The following CSMD1 variants were observed in gnomAD, a reference collection of about 807,000 sequenced individuals.
CSMD1 encodes the protein CUB and Sushi multiple domains 1.
In CSMD1, 213 loss-of-function variants were observed where a neutral mutation model predicts 417.5. That is an observed-to-expected ratio of 0.51 (90% CI 0.46 to 0.57). The LOEUF (loss-of-function observed/expected upper bound fraction) is 0.57, where lower values mean the gene tolerates loss of function less well. Among genes scored for constraint, CSMD1 ranks in the 20% least tolerant of loss-of-function variants. CSMD1 has a pLI of 0.00. For synonymous variants in CSMD1, 2,862 were observed against 1,736.8 expected (o/e 1.65, Z -16.11); for missense variants, 6,923 against 4,529.7 (o/e 1.53, Z -15.17).
intron 26 of CSMD1, among the ~76,000 whole-genome samples, chr8:3,244,403 TG>T (rs1164256797): frequency 6.6e-6 from 1 of 152,264 alleles, no homozygotes; most frequent in East Asian, 1.9e-4. Context: ...GAGAGCAATC[TG>T]CTTTTGTTTA....
chr8:4,196,915 G>T (rs779119), intron 3 of CSMD1, among the ~76,000 whole-genome samples: 148,947 of 152,332 alleles, frequency 0.98, 72,903 homozygotes, highest in East Asian at 1. Context: ...ATTTCTAAGA[G>T]TTTGTTCATG....
Position 3,008,635 on chromosome 8 carries a change from T to C in CSMD1, c.8030-8504A>G, listed in dbSNP as rs1393804427. 3.3e-5 allele frequency among the ~76,000 whole-genome samples: 5 copies of C among 152,322 alleles called. No individual in the cohort carries two copies. The East Asian group carries it at 9.6e-4, about 29-fold the overall frequency. ...CCTTCAGAACTCCAGCATGCCCCCCTGGGTGACCTATGTTTTCTGGAAAGC... is the reference window on the plus strand; with the variant it reads ...CCTTCAGAACTCCAGCATGCCCCCCCGGGTGACCTATGTTTTCTGGAAAGC... On this transcript the variant is annotated intron_variant, in intron 52 of 69. Coordinates refer to ENST00000635120, the MANE Select transcript of CSMD1 (RefSeq NM_033225.6).
At chr8:2,997,375 A>C (rs536778253) in intron 54 of CSMD1, among the ~76,000 whole-genome samples, 3 of 152,356 alleles carry the variant, frequency 2.0e-5, no homozygotes, top group African/African-American at 7.2e-5. Flanking sequence ...CTAGGATAAG[A>C]GAGGTTCTTG....
chr8:4,567,793 A>C (rs895560884), intron 2 of CSMD1, among the ~76,000 whole-genome samples: 2 of 152,320 alleles, frequency 1.3e-5, no homozygotes, highest in East Asian at 3.9e-4. Context: ...CGTATACCAG[A>C]AAGGAAAAAA....
At chr8:3,965,822 T>G (rs1375701870) in intron 5 of CSMD1, among the ~76,000 whole-genome samples, 1 of 152,050 alleles carries the variant, frequency 6.6e-6, no homozygotes, top group Non-Finnish European at 1.5e-5. Flanking sequence ...TTTCACCATG[T>G]TGGCCAGGCC....
chr8:3,208,839 A>C lies in CSMD1; in HGVS notation c.4868-3219T>G, dbSNP rs1797444909. On this transcript the variant is annotated intron_variant, in intron 30 of 69. Transcript: ENST00000635120. The stretch of plus-strand genomic sequence containing the variant: ...CTGTGCTGGATGCTTCTTGCCCCTG[A>C]ACGTCAAACTCCAAGTTCTTCAGTT... Among the ~76,000 whole-genome samples the C allele has an allele frequency of 2.6e-5, 4 of 152,138 alleles. No individual in the cohort carries two copies. The South Asian group carries it at 6.2e-4, about 24-fold the overall frequency.
intron 11 of CSMD1, among the ~76,000 whole-genome samples, chr8:3,492,018 G>C (rs934185094): frequency 2.6e-5 from 4 of 152,210 alleles, no homozygotes; most frequent in Admixed American, 2.6e-4. Context: ...GCAAATGGGA[G>C]GGGTAGGAAG....
intron 3 of CSMD1, among the ~76,000 whole-genome samples, chr8:4,153,424 C>G (rs1171764895): frequency 6.6e-6 from 1 of 152,196 alleles, no homozygotes; most frequent in African/African-American, 2.4e-5. Flanking sequence ...CATGCTGTTG[C>G]CTGTGCCCCG....
intron 2 of CSMD1, among the ~76,000 whole-genome samples, chr8:4,496,902 C>A (rs1802005415): frequency 6.6e-6 from 1 of 152,070 alleles, no homozygotes; most frequent in Non-Finnish European, 1.5e-5. Flanking sequence ...CCATTTAATG[C>A]TTGTTTTGTG....
chr8:4,093,648 A>G (rs1187422448), intron 3 of CSMD1, among the ~76,000 whole-genome samples: 1 of 152,130 alleles, frequency 6.6e-6, no homozygotes, highest in Non-Finnish European at 1.5e-5. Flanking sequence ...TGAGAGGAGA[A>G]AGTGAATTTT....
intron 26 of CSMD1, among the ~76,000 whole-genome samples, chr8:3,257,952 C>T (rs1448763223): frequency 6.6e-6 from 1 of 152,100 alleles, no homozygotes; most frequent in Non-Finnish European, 1.5e-5. Context: ...GTGTTCAGGA[C>T]AGACCATGGA....
intron 3 of CSMD1, among the ~76,000 whole-genome samples, chr8:4,264,594 G>A (rs541364902): frequency 1.6e-4 from 24 of 152,206 alleles, no homozygotes; most frequent in African/African-American, 2.6e-4. Flanking sequence ...GTTCCTCGGC[G>A]TTCTAGGGTA....
At chr8:4,902,771 G>T (rs561882602) in intron 1 of CSMD1, among the ~76,000 whole-genome samples, 54 of 151,988 alleles carry the variant, frequency 3.6e-4, no homozygotes, top group African/African-American at 1.2e-3. Flanking sequence ...TAGCTTATCT[G>T]CCCAGGCAGT....
intron 26 of CSMD1, among the ~76,000 whole-genome samples, chr8:3,231,751 G>T (rs550759862): frequency 5.7e-4 from 86 of 152,152 alleles, no homozygotes; most frequent in Admixed American, 1.2e-3. Context: ...TCCTATAGTT[G>T]GTCAGACCTG....
At chr8:3,725,078 G>A (rs369376911) in intron 6 of CSMD1, among the ~76,000 whole-genome samples, 3 of 152,198 alleles carry the variant, frequency 2.0e-5, no homozygotes, top group East Asian at 3.9e-4. Context: ...GGAGGTTAAG[G>A]GCCCTCAGCA....
chr8:3,296,001 C>T (rs1203431603), intron 25 of CSMD1, among the ~76,000 whole-genome samples: 3 of 152,016 alleles, frequency 2.0e-5, no homozygotes, highest in African/African-American at 7.2e-5. Flanking sequence ...ATAGGCAAAC[C>T]ACAGCATCCA....
At chr8:2,954,650 A>G (rs1802876113) in intron 64 of CSMD1, among the ~76,000 whole-genome samples, 1 of 152,196 alleles carries the variant, frequency 6.6e-6, no homozygotes, top group Non-Finnish European at 1.5e-5. Flanking sequence ...TTCATTGACC[A>G]ATACCCCACC....
At chr8:3,561,693 G>C (rs1208037717) in intron 10 of CSMD1, among the ~76,000 whole-genome samples, 2 of 152,012 alleles carry the variant, frequency 1.3e-5, no homozygotes, top group Admixed American at 1.3e-4. Context: ...TCAGGTGATG[G>C]GTGTACTACC....
At chr8:3,729,482 G>A (rs941316993) in intron 6 of CSMD1, among the ~76,000 whole-genome samples, 1 of 152,164 alleles carries the variant, frequency 6.6e-6, no homozygotes, top group Non-Finnish European at 1.5e-5. Context: ...TGAACATAGA[G>A]GCAATATGTA....
Sources: allele counts gnomAD v4.1 joint callset (sites outside exome capture counted in the v4.1 genomes callset), GRCh38; gene constraint gnomAD v4.1.1; transcripts MANE v1.5; gene names NCBI Gene and HGNC (gene_info 2026-07-23, HGNC 2026-07-21).